The following ALOX12B variants were observed in gnomAD, a reference collection of about 807,000 sequenced individuals.
ALOX12B encodes arachidonate 12-lipoxygenase, 12R-type.
In ALOX12B, 47 loss-of-function variants were observed where a neutral mutation model predicts 78.9. The observed-to-expected ratio is 0.60, with a 90% confidence interval of 0.47 to 0.76. The LOEUF (loss-of-function observed/expected upper bound fraction) is 0.76, where lower values mean the gene tolerates loss of function less well. Ranked by LOEUF, ALOX12B falls within the 30% of genes least tolerant of loss-of-function variation. The probability of loss-of-function intolerance (pLI) is 0.00; values close to 1 mark genes in which losing one functional copy is unlikely to be tolerated. For missense variants in ALOX12B, 805 were observed against 922.6 expected, an observed-to-expected ratio of 0.87 and a Z score of 1.65; for synonymous variants, 370 against 374.5, an observed-to-expected ratio of 0.99 and a Z score of 0.14.
At chr17:8,084,203 G>T (rs1418661259) in intron 2 of ALOX12B, among the ~76,000 whole-genome samples, 1 of 152,120 alleles carries the variant, frequency 6.6e-6, no homozygotes, top group East Asian at 1.9e-4. Flanking sequence ...GTCAGTGGAA[G>T]AACTGAGACC....
rs79394619 is a variant in ALOX12B, at chr17:8,077,715, C to T, written c.1072-522G>A. The stretch of plus-strand genomic sequence containing the variant: ...AGGAAACACCCAGTTCCTTCCTCTG[C>T]CAGACCAGATTCCCAAGGCAGAGGC... On this transcript the variant is annotated intron_variant, in intron 8 of 14. Transcript: ENST00000647874. Among the ~76,000 whole-genome samples the T allele has an allele frequency of 9.2e-3, 1,401 of 152,330 alleles. 11 individuals carry two copies. The highest frequency in any genetic ancestry group is 0.025 in the African/African-American group (1,019 of 41,560).
rs894110488 is a variant in ALOX12B, at chr17:8,078,938, C to A, written c.1071+458G>T. Among the ~76,000 whole-genome samples the A allele has an allele frequency of 4.7e-5, 7 of 148,748 alleles. No homozygotes were observed. In the South Asian group the frequency reaches 8.5e-4, roughly 18 times the overall value. On this transcript the variant is annotated intron_variant, in intron 8 of 14. Coordinates refer to ENST00000647874, the MANE Select transcript of ALOX12B (RefSeq NM_001139.3). ...TTTGAGATGGAGTCTCGCTCTGTCG[C>A]CCAGAGCGACATGCAGTGGCATGAT...
At chr17:8,081,476 G>A in intron 2 of ALOX12B, 1 of 486,866 alleles carries the variant, frequency 2.1e-6, no homozygotes, top group South Asian at 2.1e-5. Context: ...TAAATTCATG[G>A]AGTACAAGAG....
rs1291042083 is a variant in ALOX12B at position 8,081,144 on chromosome 17, G to A, written c.396C>T (p.His132=). The A allele has an allele frequency of 6.2e-7, 1 of 1,613,696 alleles. No individual in the cohort carries two copies. The highest frequency in any genetic ancestry group is 8.5e-7 in the Non-Finnish European group (1 of 1,179,974). ...ADDSLPVLLE[H]RKEEIRAKQD... ...GCTTGGCTCTGATCTCCTCTTTTCT[G>A]TGCTCCAGGAGGACGGGGAGCGAGT... is the stretch of plus-strand genomic sequence containing the variant. The change falls in exon 3 of 15, where the codon CAC becomes CAT. Residue 132 remains histidine, a synonymous_variant. Coordinates refer to ENST00000647874, the MANE Select transcript of ALOX12B (RefSeq NM_001139.3).
rs1977181457 is a variant in ALOX12B, at chr17:8,080,164, T to C, written c.754+71A>G. 2 of 1,559,456 alleles carry C rather than the reference T, an allele frequency of 1.3e-6. No individual in the cohort carries two copies. Among genetic ancestry groups the C allele is most frequent in the African/African-American group, 1.4e-5 (1 of 73,706 alleles). ...CCTCTCCCGTCCCACTGCCCCGAAGTCGGGGGCCTGCCTAGCACGCCGGAG... is the reference window on the plus strand; with the variant it reads ...CCTCTCCCGTCCCACTGCCCCGAAGCCGGGGGCCTGCCTAGCACGCCGGAG... On this transcript the variant is annotated intron_variant, in intron 6 of 14. Transcript: ENST00000647874. This position sits in a 1 kb window ranked among gnomAD's most constrained non-coding sequence, Gnocchi z 4.8.
At position 8,073,767 on chromosome 17, in the gene ALOX12B, G is replaced by A. The variant is rs759687516; in HGVS notation, c.1655-10C>T. The A allele has an allele frequency of 7.4e-6, 12 of 1,611,124 alleles. No homozygotes were observed. The Admixed American group carries it at 8.4e-5, about 11-fold the overall frequency. The stretch of plus-strand genomic sequence containing the variant: ...AAGCACCTAGGGAAGCCTGACCGGC[G>A]GGGGAAAAGCCCAGGCGACATCAGT... On this transcript the variant is annotated splice_polypyrimidine_tract_variant and intron_variant, in intron 12 of 14. Coordinates refer to ENST00000647874, the MANE Select transcript of ALOX12B (RefSeq NM_001139.3).
rs879019546 is a variant in ALOX12B, at chr17:8,081,249, C to T, written c.353-62G>A. 7 of 1,550,390 alleles carry T rather than the reference C, an allele frequency of 4.5e-6. No individual in the cohort carries two copies. In the South Asian group the frequency reaches 7.9e-5, roughly 17 times the overall value. Reference sequence around the variant, plus strand: ...CCTTGCCCCTGCCCACTTCAGGAAGCAGGAGTTCAGCTTCTGTGCCCCAGG... The same window carrying T: ...CCTTGCCCCTGCCCACTTCAGGAAGTAGGAGTTCAGCTTCTGTGCCCCAGG... On this transcript the variant is annotated intron_variant, in intron 2 of 14. Coordinates refer to ENST00000647874, the MANE Select transcript of ALOX12B (RefSeq NM_001139.3).
At position 8,080,156 on chromosome 17, in the gene ALOX12B, C is replaced by A; in HGVS notation, c.754+79G>T. 1 of 1,540,676 alleles carries A rather than the reference C, an allele frequency of 6.5e-7. No homozygotes were observed. Among genetic ancestry groups the A allele is most frequent in the Non-Finnish European group, 9.0e-7 (1 of 1,113,658 alleles). On this transcript the variant is annotated intron_variant, in intron 6 of 14. Coordinates refer to ENST00000647874, the MANE Select transcript of ALOX12B (RefSeq NM_001139.3). The surrounding 1 kb of genome is among the most constrained non-coding windows in gnomAD (Gnocchi z 4.8). ...CCTCGCTGCCTCTCCCGTCCCACTG[C>A]CCCGAAGTCGGGGGCCTGCCTAGCA...
rs397514527 is a variant in ALOX12B at position 8,076,725 on chromosome 17, G to A, written c.1294C>T (p.Arg432Ter). ...PLYKLLIPHTRYTVQINSIGR... is the reference protein window; with the variant it reads ...PLYKLLIPHT ...ATGCTGTTGATCTGGACGGTGTATC[G>A]GGTATGGGGGATGAGGAGCTGTGGG... The change falls in exon 10 of 15, where the codon CGA (arginine) becomes TGA (stop). Residue 432 changes from arginine to a stop codon, truncating the protein, a stop_gained. Coordinates refer to ENST00000647874, the MANE Select transcript of ALOX12B (RefSeq NM_001139.3). LOFTEE classifies it high-confidence loss of function. The A allele has an allele frequency of 2.4e-5, 37 of 1,550,650 alleles. No individual in the cohort carries two copies. The highest frequency in any genetic ancestry group is 4.8e-5 in the South Asian group (4 of 84,002).
Position 8,079,298 on chromosome 17 carries a change from T to A in ALOX12B, c.1071+98A>T. ...TCAAGGATAACGAGAGACGGCTGAA[T>A]ACATGCAGGTCCACACGCTCACATA... On this transcript the variant is annotated intron_variant, in intron 8 of 14. Transcript: ENST00000647874. The surrounding 1 kb of genome is among the most constrained non-coding windows in gnomAD (Gnocchi z 6.4). 2 of 1,496,142 alleles carry A rather than the reference T, an allele frequency of 1.3e-6. No homozygotes were observed. The highest frequency in any genetic ancestry group is 1.8e-6 in the Non-Finnish European group (2 of 1,110,042). 92.7% of individuals were successfully genotyped at this position (1,496,142 alleles called of 1,614,324 possible). A position where few individuals can be genotyped will look rare whatever the true frequency, so the allele number is the denominator to read the frequency against.
chr17:8,074,357 C>T (rs776800524), intron 12 of ALOX12B, among the ~76,000 whole-genome samples: 3 of 152,144 alleles, frequency 2.0e-5, no homozygotes, highest in Non-Finnish European at 2.9e-5. Flanking sequence ...CCATCATCTT[C>T]CTCCCTAACC....
intron 10 of ALOX12B, 149 bp from the exon 11 acceptor site, chr17:8,076,493 C>G: frequency 1.6e-6 from 2 of 1,284,972 alleles, no homozygotes; most frequent in Middle Eastern, 2.1e-4. Flanking sequence ...CACACCAGCC[C>G]TGCCTCTGCT....
intron 2 of ALOX12B, chr17:8,081,390 T>A: frequency 1.5e-6 from 1 of 648,376 alleles, no homozygotes; most frequent in Non-Finnish European, 2.9e-6. Flanking sequence ...TCTTTCCTCT[T>A]GCTCTACTGT....
intron 8 of ALOX12B, among the ~76,000 whole-genome samples, chr17:8,078,120 TTTATTTA>T (rs1977126249): frequency 4.2e-5 from 3 of 71,052 alleles, no homozygotes; most frequent in African/African-American, 8.0e-5. Flanking sequence ...TTTCATTTTA[TTTATTTA>T]TTTATTTATT....
In ALOX12B at chr17:8,079,883, G is replaced by A. The variant is rs140336976; in HGVS notation, c.813C>T (p.Gly271=). The A allele has an allele frequency of 6.2e-7, 1 of 1,613,278 alleles. No individual in the cohort carries two copies. The highest frequency in any genetic ancestry group is 8.5e-7 in the Non-Finnish European group (1 of 1,179,938). ...AGCGGCGGATCAGGCCGGGGTTGAC[G>A]CCGTTGAGGTACTGGTACCCAAAGA... The part of the protein sequence containing the change: ...DTFFGYQYLN[G]VNPGLIRRCT... Residue 271 remains glycine, a synonymous_variant, in exon 7 of 15, where the codon GGC becomes GGT. Transcript: ENST00000647874. The surrounding 1 kb of genome is among the most constrained non-coding windows in gnomAD (Gnocchi z 6.4).
Position 8,073,333 on chromosome 17 carries a change from G to T in ALOX12B, c.1756-15C>A. 6.2e-7 allele frequency: 1 copy of T among 1,614,102 alleles called. No individual in the cohort carries two copies. The highest frequency in any genetic ancestry group is 1.1e-5 in the South Asian group (1 of 91,080). ...GTGAACTCCATCTGGAGGTGGGATA[G>T]AGGCGCGGGTCTGGGTGGAAGAGTA... is the stretch of plus-strand genomic sequence containing the variant. On this transcript the variant is annotated splice_polypyrimidine_tract_variant and intron_variant, in intron 13 of 14. Transcript: ENST00000647874.
chr17:8,081,091 C>A lies in ALOX12B; in HGVS notation c.434+15G>T. The A allele has an allele frequency of 6.2e-7, 1 of 1,613,714 alleles. No homozygotes were observed. Among genetic ancestry groups the A allele is most frequent in the Non-Finnish European group, 8.5e-7 (1 of 1,179,968 alleles). ...CCCCTGCCGGGCGCCCAGACTCTGC[C>A]ACCCGCCCCCTCACTGGTAGAAGTC... On this transcript the variant is annotated intron_variant, in intron 3 of 14. Transcript: ENST00000647874.
At position 8,075,672 on chromosome 17, in the gene ALOX12B, G is replaced by A. The variant is rs1977064087; in HGVS notation, c.1577C>T (p.Ala526Val). Residue 526 changes from alanine (A) to valine (V), a missense_variant, in exon 12 of 15, where the codon GCC becomes GTC. Transcript: ENST00000647874. ...CTGCAATTCCGGATCACCCTCCACG[G>A]CTGCGTCACTCGGGTAATAATAGGT... is the stretch of plus-strand genomic sequence containing the variant. ...IITYYYPSDA[A>V]VEGDPELQSW... 1 of 1,614,080 alleles carries A rather than the reference G, an allele frequency of 6.2e-7. No homozygotes were observed. Among genetic ancestry groups the A allele is most frequent in the Non-Finnish European group, 8.5e-7 (1 of 1,180,026 alleles).
chr17:8,081,271 C>T, intron 2 of ALOX12B, 84 bp from the exon 3 acceptor site: 1 of 1,427,508 alleles, frequency 7.0e-7, no homozygotes, highest in South Asian at 1.2e-5. Flanking sequence ...TTCTGTGCCC[C>T]AGGTCGTCTC....
Sources: allele counts gnomAD v4.1 joint callset (sites outside exome capture counted in the v4.1 genomes callset), GRCh38; gene constraint gnomAD v4.1.1; non-coding constraint Gnocchi (gnomAD v3.1); transcripts MANE v1.5; gene names NCBI Gene and HGNC (gene_info 2026-07-23, HGNC 2026-07-21).